KCNJ3: variants seen among roughly 807,000 people sequenced by gnomAD.
The protein encoded by KCNJ3 is G protein-activated inward rectifier potassium channel 1.
A neutral mutation model predicts 39.2 loss-of-function variants in KCNJ3; 4 were observed. That is an observed-to-expected ratio of 0.10 (90% confidence interval 0.05 to 0.23). The LOEUF is 0.23. Ranked by LOEUF, KCNJ3 falls within the 10% of genes least tolerant of loss-of-function variation. The pLI is 1.00. For synonymous variants in KCNJ3, 230 were observed against 237.4 expected (o/e 0.97, Z 0.29); for missense variants, 276 against 634.9 (o/e 0.43, Z 6.08).
At chr2:154,701,462 C>T (rs926479670) in intron 1 of KCNJ3, among the ~76,000 whole-genome samples, 2 of 151,936 alleles carry the variant, frequency 1.3e-5, no homozygotes, top group Non-Finnish European at 2.9e-5. Flanking sequence ...TTAGAATTAA[C>T]CTATATGTTA....
chr2:154,847,100 T>C (rs141619305), intron 2 of KCNJ3, among the ~76,000 whole-genome samples: 1 of 152,292 alleles, frequency 6.6e-6, no homozygotes, highest in Non-Finnish European at 1.5e-5. Context: ...TCCATCTTTT[T>C]GAAAACTTCA....
At chr2:154,768,638 T>G (rs1222817592) in intron 2 of KCNJ3, among the ~76,000 whole-genome samples, 1 of 152,340 alleles carries the variant, frequency 6.6e-6, no homozygotes, top group African/African-American at 2.4e-5. Flanking sequence ...CCAGCTGTGC[T>G]CTTTTGGCTT....
intron 2 of KCNJ3, among the ~76,000 whole-genome samples, chr2:154,824,289 T>A (rs1687232871): frequency 6.6e-6 from 1 of 152,116 alleles, no homozygotes; most frequent in African/African-American, 2.4e-5. Flanking sequence ...TAAGCTGTGA[T>A]CGCGCCACTG....
chr2:154,803,231 C>CA (rs1686850659), intron 2 of KCNJ3, among the ~76,000 whole-genome samples: 2 of 151,560 alleles, frequency 1.3e-5, no homozygotes, highest in Non-Finnish European at 2.9e-5. Flanking sequence ...CTCAAGAAGC[C>CA]AAAAAAGCTA....
intron 2 of KCNJ3, among the ~76,000 whole-genome samples, chr2:154,789,435 A>AGT (rs1443449738): frequency 6.6e-6 from 1 of 152,038 alleles, no homozygotes; most frequent in Non-Finnish European, 1.5e-5. Context: ...AGGGACCTAC[A>AGT]GTTACCTTCT....
intron 2 of KCNJ3, among the ~76,000 whole-genome samples, chr2:154,844,246 AC>A (rs1372906325): frequency 5.3e-5 from 8 of 152,114 alleles, no homozygotes; most frequent in African/African-American, 1.7e-4. Flanking sequence ...TCCACTCCAG[AC>A]CCTGTTTGCC....
chr2:154,817,329 G>A (rs1206346576), intron 2 of KCNJ3, among the ~76,000 whole-genome samples: 1 of 152,146 alleles, frequency 6.6e-6, no homozygotes, highest in Non-Finnish European at 1.5e-5. Flanking sequence ...AGCCTTCAAT[G>A]TCTGATGGAA....
rs192381613 is a variant in KCNJ3, at chr2:154,705,805, C to A, written c.703-3798C>A. ...TTAATTTATTTAAACAAATTTTAAG[C>A]TCTAGATTTCTTCAATTTTTATAAC... On this transcript the variant is annotated intron_variant, in intron 1 of 2. Coordinates refer to ENST00000295101, the MANE Select transcript of KCNJ3 (RefSeq NM_002239.4). Among the ~76,000 whole-genome samples the A allele has an allele frequency of 2.0e-4, 31 of 152,092 alleles. No homozygotes were observed. The East Asian group carries it at 4.1e-3, about 20-fold the overall frequency.
At chr2:154,798,349 T>C (rs1486358897) in intron 2 of KCNJ3, among the ~76,000 whole-genome samples, 1 of 152,130 alleles carries the variant, frequency 6.6e-6, no homozygotes, top group African/African-American at 2.4e-5. Context: ...TCTTCCCAAA[T>C]ACATGTAAAA....
intron 2 of KCNJ3, among the ~76,000 whole-genome samples, chr2:154,835,449 GAATA>G (rs1687440951): frequency 1.1e-5 from 1 of 95,192 alleles, no homozygotes; most frequent in African/African-American, 3.2e-5. Context: ...TCATGAATAT[GAATA>G]TATAATATTC....
At chr2:154,736,310 G>GTGCCCTTTTGCCATTGCATCT (rs1254908090) in intron 2 of KCNJ3, among the ~76,000 whole-genome samples, 101 of 140,028 alleles carry the variant, frequency 7.2e-4, no homozygotes, top group South Asian at 1.4e-3. Flanking sequence ...ACAGAATTAT[G>GTGCCCTTTTGCCATTGCATCT]TGCCCTTTTG....
chr2:154,752,793 C>T (rs534375105), intron 2 of KCNJ3, among the ~76,000 whole-genome samples: 8 of 152,000 alleles, frequency 5.3e-5, no homozygotes, highest in African/African-American at 1.9e-4. Context: ...TGTTAAGCTA[C>T]ATAAACATAT....
intron 2 of KCNJ3, among the ~76,000 whole-genome samples, chr2:154,740,337 A>C (rs1685630790): frequency 6.6e-6 from 1 of 152,050 alleles, no homozygotes; most frequent in South Asian, 2.1e-4. Flanking sequence ...TGTTCAGTAG[A>C]GTACAGATTT....
At position 154,700,891 on chromosome 2, in the gene KCNJ3, A is replaced by G. The variant is rs375506091; in HGVS notation, c.702+1414A>G. ...GTGCTACATACAGTAAATAAACTAC[A>G]TTTTGTACACCACAGTGGAAAATTA... On this transcript the variant is annotated intron_variant, in intron 1 of 2. Transcript: ENST00000295101. Among the ~76,000 whole-genome samples, 33 of 152,282 alleles carry G rather than the reference A, an allele frequency of 2.2e-4. No homozygotes were observed. In the East Asian group the frequency reaches 4.6e-3, roughly 21 times the overall value.
chr2:154,818,172 C>T (rs1461926769), intron 2 of KCNJ3, among the ~76,000 whole-genome samples: 2 of 151,984 alleles, frequency 1.3e-5, no homozygotes, highest in Non-Finnish European at 2.9e-5. Context: ...TAAAAGTATA[C>T]TTCATTTCCT....
At chr2:154,845,491 T>C (rs1373798660) in intron 2 of KCNJ3, among the ~76,000 whole-genome samples, 1 of 152,126 alleles carries the variant, frequency 6.6e-6, no homozygotes, top group East Asian at 1.9e-4. Flanking sequence ...ATTGTAGTTA[T>C]ATAGTTAAGA....
chr2:154,765,684 A>C (rs370958052), intron 2 of KCNJ3, among the ~76,000 whole-genome samples: 1 of 152,178 alleles, frequency 6.6e-6, no homozygotes, highest in Non-Finnish European at 1.5e-5. Context: ...GTGGTTCCTT[A>C]ACTGGGTGCC....
chr2:154,842,258 A>C (rs114512201), intron 2 of KCNJ3, among the ~76,000 whole-genome samples: 7,688 of 152,252 alleles, frequency 0.05, 242 homozygotes, highest in South Asian at 0.1. Context: ...GTTTTGAATG[A>C]GTTCTTAATC....
intron 2 of KCNJ3, among the ~76,000 whole-genome samples, chr2:154,846,809 G>C (rs1323319926): frequency 6.6e-6 from 1 of 152,118 alleles, no homozygotes; most frequent in Non-Finnish European, 1.5e-5. Context: ...TGGGAGCTTA[G>C]AAACCTTAAG....
Sources: gnomAD v4.1 joint callset for allele counts (sites outside exome capture counted in the v4.1 genomes callset) on GRCh38, gnomAD v4.1.1 for gene constraint, MANE v1.5 for transcripts, NCBI Gene and HGNC (gene_info 2026-07-23, HGNC 2026-07-21) for gene names.